Variants in LMTK2 observed in about 807,000 individuals in gnomAD.
LMTK2 encodes the protein serine/threonine-protein kinase LMTK2.
LMTK2 carries 37 observed loss-of-function variants against 127.5 expected under a neutral mutation model. That is an observed-to-expected ratio of 0.29 (90% confidence interval 0.22 to 0.38). LMTK2 has a LOEUF of 0.38. LMTK2 is among the 10% of genes least tolerant of loss of function. LMTK2 has a pLI of 1.00. For synonymous variants in LMTK2, 819 were observed against 810.1 expected (o/e 1.01, Z -0.19); for missense variants, 1,694 against 1,920.3 (o/e 0.88, Z 2.20).
At chr7:98,175,679 G>C (rs561650751) in intron 7 of LMTK2, among the ~76,000 whole-genome samples, 1 of 152,348 alleles carries the variant, frequency 6.6e-6, no homozygotes, top group East Asian at 1.9e-4. Flanking sequence ...TGAAGGCAGG[G>C]ATTGTATCTT....
chr7:98,189,562 G>T (rs529124988), intron 9 of LMTK2, among the ~76,000 whole-genome samples: 1 of 152,328 alleles, frequency 6.6e-6, no homozygotes, highest in South Asian at 2.1e-4. Flanking sequence ...AGCAGTGTGT[G>T]TGTTCACGGC....
At chr7:98,139,881 C>A (rs1796651005) in intron 2 of LMTK2, among the ~76,000 whole-genome samples, 1 of 152,108 alleles carries the variant, frequency 6.6e-6, no homozygotes, top group East Asian at 1.9e-4. Context: ...GTTCACTGAT[C>A]TGTTCCCAGC....
At chr7:98,123,452 G>A (rs1033467251) in intron 1 of LMTK2, among the ~76,000 whole-genome samples, 18 of 151,726 alleles carry the variant, frequency 1.2e-4, no homozygotes, top group African/African-American at 4.1e-4. Context: ...TCTCCTCTCC[G>A]TGTGTTTGGC....
chr7:98,107,708 A>G (rs1216080297), intron 1 of LMTK2, among the ~76,000 whole-genome samples: 1 of 152,012 alleles, frequency 6.6e-6, no homozygotes, highest in Non-Finnish European at 1.5e-5. Context: ...AGCTGTGCGG[A>G]GTTTGTTTTC....
At position 98,107,139 on chromosome 7, in the gene LMTK2, C is replaced by T. The variant is rs1381440241; in HGVS notation, c.-39C>T. 2 of 1,378,484 alleles carry T rather than the reference C, an allele frequency of 1.5e-6. No individual in the cohort carries two copies. Among genetic ancestry groups the T allele is most frequent in the Non-Finnish European group, 1.9e-6 (2 of 1,063,528 alleles). 85.4% of individuals were successfully genotyped at this position (1,378,484 alleles called of 1,614,324 possible). On this transcript the variant is annotated 5_prime_UTR_variant, in exon 1 of 14. Transcript: ENST00000297293. ...GGCGAACGGACGGACGGACGGAAGG[C>T]GACTCGAGGGCCGGCCCCGGAGCCG...
chr7:98,154,225 G>C (rs1032245178), intron 4 of LMTK2, among the ~76,000 whole-genome samples: 2 of 152,196 alleles, frequency 1.3e-5, no homozygotes, highest in Non-Finnish European at 2.9e-5. Context: ...GGGGTGTTTT[G>C]AATGGAGATT....
At position 98,186,893 on chromosome 7, in the gene LMTK2, C is replaced by A; in HGVS notation, c.893C>A (p.Thr298Lys). The A allele has an allele frequency of 6.2e-7, 1 of 1,612,652 alleles. No homozygotes were observed. The highest frequency in any genetic ancestry group is 8.5e-7 in the Non-Finnish European group (1 of 1,179,008). ...ACAAAACAGGAGGATTATATTGAAA[C>A]AGATGATAAAAAAGTTTTCCCTCTG... The part of the protein sequence containing the change: ...FSRYKEDYIE[T>K]DDKKVFPLRW... The change falls in exon 9 of 14, where the codon ACA becomes AAA. Residue 298 changes from threonine (T) to lysine (K), a missense_variant. Thr to Lys is a moderately conservative substitution (Grantham distance 78). Transcript: ENST00000297293.
chr7:98,137,897 T>G (rs1259796281), intron 2 of LMTK2, among the ~76,000 whole-genome samples: 2 of 152,242 alleles, frequency 1.3e-5, no homozygotes, highest in African/African-American at 4.8e-5. Context: ...TTCTGTAGAC[T>G]GGTGAATTTG....
At chr7:98,126,412 C>G (rs907194314) in intron 1 of LMTK2, among the ~76,000 whole-genome samples, 1 of 152,202 alleles carries the variant, frequency 6.6e-6, no homozygotes, top group African/African-American at 2.4e-5. Context: ...CTTCCCGTTC[C>G]TGCATCGGCT....
At chr7:98,149,937 T>A (rs1796827599) in intron 3 of LMTK2, among the ~76,000 whole-genome samples, 1 of 14,352 alleles carries the variant, frequency 7.0e-5, no homozygotes, top group Non-Finnish European at 1.2e-4. Context: ...AACTCAATAA[T>A]AAGAAACAGC....
At chr7:98,172,196 C>A (rs1279992246) in intron 7 of LMTK2, among the ~76,000 whole-genome samples, 1 of 152,202 alleles carries the variant, frequency 6.6e-6, no homozygotes, top group Non-Finnish European at 1.5e-5. Context: ...CTGATGAGGC[C>A]CCCCGCTCCC....
chr7:98,145,654 A>G (rs1381785221), intron 3 of LMTK2, among the ~76,000 whole-genome samples: 1 of 151,940 alleles, frequency 6.6e-6, no homozygotes, highest in Non-Finnish European at 1.5e-5. Flanking sequence ...TAGGCTTTCT[A>G]TTCTCTGTCA....
Position 98,206,098 on chromosome 7 carries a change from G to C in LMTK2, c.*606G>C, listed in dbSNP as rs1469950013. 1 of 153,422 alleles carries C rather than the reference G, an allele frequency of 6.5e-6. No homozygotes were observed. Among genetic ancestry groups the C allele is most frequent in the Non-Finnish European group, 1.5e-5 (1 of 68,684 alleles). The allele number at this position is 153,422 out of a possible 1,614,324, so 9.5% of individuals were successfully genotyped here. ...ATTTTTTTTCTGTTTTATAGTTTGC[G>C]CTGCATGGTACTTGTGAAGCTTAAA... On this transcript the variant is annotated 3_prime_UTR_variant, in exon 14 of 14. Transcript: ENST00000297293.
intron 3 of LMTK2, among the ~76,000 whole-genome samples, 187 bp downstream of exon 3, chr7:98,141,728 C>T (rs903766559): frequency 6.6e-6 from 1 of 152,202 alleles, no homozygotes; most frequent in South Asian, 2.1e-4. Flanking sequence ...TTGTCTTCTG[C>T]TTTCTGGACC....
intron 1 of LMTK2, among the ~76,000 whole-genome samples, chr7:98,126,122 T>C (rs1181671737): frequency 1.3e-5 from 2 of 152,208 alleles, no homozygotes; most frequent in Admixed American, 6.5e-5. Flanking sequence ...TAGACATGTT[T>C]TTCTAGGTTA....
rs1797742997 is a variant in LMTK2 at position 98,203,680 on chromosome 7, A to G, written c.4214A>G (p.Asn1405Ser). 1.2e-6 allele frequency: 2 copies of G among 1,613,842 alleles called. No individual in the cohort carries two copies. Among genetic ancestry groups the G allele is most frequent in the Middle Eastern group, 1.6e-4 (1 of 6,062 alleles). Residue 1405 changes from asparagine (N) to serine (S), a missense_variant, in exon 12 of 14, where the codon AAC (asparagine) becomes AGC (serine). Physicochemically the swap from Asn to Ser is conservative, Grantham distance 46 (BLOSUM62 1). Transcript: ENST00000297293. The stretch of plus-strand genomic sequence containing the variant: ...TCTCCCTACCTGAGCAGGTGCATCA[A>G]CTCCGAAAGCTCCACCGACGAAGAA... ...SGSPYLSRCINSESSTDEEGG... is the reference protein window; with the variant it reads ...SGSPYLSRCISSESSTDEEGG...
At chr7:98,205,411 C>CT in intron 13 of LMTK2, 53 bp from the exon 14 acceptor site, 1 of 1,610,784 alleles carries the variant, frequency 6.2e-7, no homozygotes, top group Non-Finnish European at 8.5e-7. Flanking sequence ...CCATGCCTGT[C>CT]TGATCATTTT....
At position 98,198,394 on chromosome 7, in the gene LMTK2, T is replaced by G. The variant is rs534986993; in HGVS notation, c.4107+3822T>G. 2.0e-5 allele frequency among the ~76,000 whole-genome samples: 3 copies of G among 152,264 alleles called. No homozygotes were observed. In the South Asian group the frequency reaches 6.2e-4, roughly 32 times the overall value. On this transcript the variant is annotated intron_variant, in intron 11 of 13. Transcript: ENST00000297293. ...TTAGTAGAGACGAGGTTTCACCATGTTGGCCAGGATGGTCTCAATCTCTTG... is the reference window on the plus strand; with the variant it reads ...TTAGTAGAGACGAGGTTTCACCATGGTGGCCAGGATGGTCTCAATCTCTTG...
At chr7:98,118,665 C>T (rs990884531) in intron 1 of LMTK2, among the ~76,000 whole-genome samples, 4 of 152,196 alleles carry the variant, frequency 2.6e-5, no homozygotes, top group African/African-American at 9.7e-5. Flanking sequence ...TTACCCTTCC[C>T]TCTGCCCTAG....
Sources: gnomAD v4.1 joint callset for allele counts (sites outside exome capture counted in the v4.1 genomes callset) on GRCh38, gnomAD v4.1.1 for gene constraint, MANE v1.5 for transcripts, NCBI Gene and HGNC (gene_info 2026-07-23, HGNC 2026-07-21) for gene names.